Variants in CCDC91 observed in about 807,000 individuals in gnomAD.
CCDC91 encodes the protein coiled-coil domain containing 91, also known as coiled-coil domain-containing protein 91.
A neutral mutation model predicts 63.2 loss-of-function variants in CCDC91; 48 were observed. The ratio of observed to expected loss-of-function variants is 0.76; its 90% CI spans 0.60 to 0.97. The LOEUF (loss-of-function observed/expected upper bound fraction) is 0.97, where lower values mean the gene tolerates loss of function less well. CCDC91 is among the 50% of genes least tolerant of loss of function. The pLI, the probability that CCDC91 is intolerant of heterozygous loss-of-function variation, is 0.00. For synonymous variants in CCDC91, 167 were observed against 165.8 expected (o/e 1.01, Z -0.06); for missense variants, 500 against 494.6 (o/e 1.01, Z -0.10).
intron 12 of CCDC91, among the ~76,000 whole-genome samples, chr12:28,534,340 A>G (rs1162997157): frequency 9.2e-5 from 14 of 152,220 alleles, no homozygotes; most frequent in Admixed American, 7.2e-4. Context: ...TAATTTATAC[A>G]ACTTTTTTAT....
At chr12:28,547,244 T>C (rs531141293) in intron 12 of CCDC91, among the ~76,000 whole-genome samples, 15 of 152,180 alleles carry the variant, frequency 9.9e-5, no homozygotes, top group African/African-American at 3.6e-4. Flanking sequence ...AAGTGCAAAA[T>C]AGTTTTAGAA....
At chr12:28,476,654 C>T (rs891883024) in intron 11 of CCDC91, among the ~76,000 whole-genome samples, 2 of 152,010 alleles carry the variant, frequency 1.3e-5, no homozygotes, top group African/African-American at 4.8e-5. Context: ...ACACAAAAAA[C>T]CCTTCAAAAA....
chr12:28,447,355 C>T (rs1019705996), intron 8 of CCDC91, among the ~76,000 whole-genome samples: 1 of 151,802 alleles, frequency 6.6e-6, no homozygotes, highest in Non-Finnish European at 1.5e-5. Context: ...AAACAGCTCT[C>T]CAGAAGGATG....
chr12:28,408,779 A>G (rs1009446132), intron 8 of CCDC91, among the ~76,000 whole-genome samples: 1 of 151,992 alleles, frequency 6.6e-6, no homozygotes, highest in African/African-American at 2.4e-5. Flanking sequence ...AGTATCTGGG[A>G]TTACAGGTGT....
chr12:28,521,418 A>T (rs544047506), intron 12 of CCDC91, among the ~76,000 whole-genome samples: 3 of 152,224 alleles, frequency 2.0e-5, no homozygotes, highest in Admixed American at 2.0e-4. Flanking sequence ...TTGCACATTG[A>T]TTCTGTATCC....
At chr12:28,212,979 AT>A (rs1943329449) in intron 1 of CCDC91, among the ~76,000 whole-genome samples, 1 of 152,252 alleles carries the variant, frequency 6.6e-6, no homozygotes, top group Non-Finnish European at 1.5e-5. Context: ...CAAATAAGTT[AT>A]AGTGAGTTTA....
In CCDC91 at chr12:28,331,032, C is replaced by A. The variant is rs535338161; in HGVS notation, c.576+23283C>A. On this transcript the variant is annotated intron_variant, in intron 6 of 12. Coordinates refer to ENST00000536442, the MANE Select transcript of CCDC91 (RefSeq NM_018318.5). ...TTTCAGCAAAGAAAGGTTATGCTTC[C>A]AGATTAGAATTTATTTTTTGTGTTT... 5.9e-5 allele frequency among the ~76,000 whole-genome samples: 9 copies of A among 152,258 alleles called. No individual in the cohort carries two copies. The East Asian group carries it at 1.7e-3, about 29-fold the overall frequency.
intron 1 of CCDC91, among the ~76,000 whole-genome samples, chr12:28,191,845 G>T (rs1941279711): frequency 6.6e-6 from 1 of 152,168 alleles, no homozygotes; most frequent in African/African-American, 2.4e-5. Context: ...CATGGTGTTG[G>T]CTAACCAGTA....
chr12:28,307,848 T>A (rs1938907978), intron 6 of CCDC91, 99 bp downstream of exon 6: 1 of 687,820 alleles, frequency 1.5e-6, no homozygotes, highest in African/African-American at 1.9e-5. Flanking sequence ...GAATGAAGAA[T>A]CAGATACTTG....
At chr12:28,235,577 T>C in intron 1 of CCDC91, among the ~76,000 whole-genome samples, 1 of 131,634 alleles carries the variant, frequency 7.6e-6, no homozygotes, top group Middle Eastern at 3.4e-3. Flanking sequence ...TAGGTTTCAG[T>C]TAATGCCGCA....
At chr12:28,546,807 AC>A (rs1003845890) in intron 12 of CCDC91, among the ~76,000 whole-genome samples, 13 of 152,050 alleles carry the variant, frequency 8.5e-5, no homozygotes, top group African/African-American at 2.9e-4. Context: ...AACTTAGTAT[AC>A]TCTCTGGGAA....
intron 3 of CCDC91, among the ~76,000 whole-genome samples, chr12:28,277,921 A>T (rs1457472435): frequency 6.6e-6 from 1 of 151,936 alleles, no homozygotes; most frequent in Non-Finnish European, 1.5e-5. Flanking sequence ...TATCCTTGTC[A>T]TACTAGTGGC....
chr12:28,370,646 A>C (rs1403328569), intron 7 of CCDC91, among the ~76,000 whole-genome samples: 8 of 152,126 alleles, frequency 5.3e-5, no homozygotes, highest in Admixed American at 4.6e-4. Context: ...TCCCAGTACC[A>C]ATTTTTTGTA....
intron 7 of CCDC91, among the ~76,000 whole-genome samples, chr12:28,383,853 A>G (rs1224075404): frequency 6.6e-6 from 1 of 152,120 alleles, no homozygotes; most frequent in Non-Finnish European, 1.5e-5. Context: ...TGTACCTCAG[A>G]GATTATTGGT....
At chr12:28,265,605 T>A (rs977931395) in intron 3 of CCDC91, among the ~76,000 whole-genome samples, 3 of 147,734 alleles carry the variant, frequency 2.0e-5, no homozygotes, top group African/African-American at 7.4e-5. Context: ...ATTTTATTAA[T>A]ATCCCATTAC....
intron 3 of CCDC91, chr12:28,304,733 A>G (rs1178003688): frequency 2.0e-6 from 2 of 991,364 alleles, no homozygotes; most frequent in South Asian, 2.8e-5. Flanking sequence ...TTAGAAAGTT[A>G]AAATGTATAA....
intron 8 of CCDC91, 43 bp from the exon 9 acceptor site, chr12:28,450,118 C>T (rs2140327084): frequency 9.2e-7 from 1 of 1,088,890 alleles, no homozygotes; most frequent in East Asian, 2.4e-5. Flanking sequence ...TGACAGATAC[C>T]TGTCTCAGAG....
chr12:28,284,427 C>T lies in CCDC91; in HGVS notation c.110-21222C>T, dbSNP rs191542905. Among the ~76,000 whole-genome samples the T allele has an allele frequency of 5.1e-4, 77 of 151,802 alleles. No individual in the cohort carries two copies. In the East Asian group the frequency reaches 0.013, roughly 25 times the overall value. On this transcript the variant is annotated intron_variant, in intron 3 of 12. Transcript: ENST00000536442. Reference sequence around the variant, plus strand: ...CGGCACTTTGGGAGGCTGAGGTGGGCGGATCATCTGAGGTCAGGAGTTCAA... The same window carrying T: ...CGGCACTTTGGGAGGCTGAGGTGGGTGGATCATCTGAGGTCAGGAGTTCAA...
rs141150696 is a variant in CCDC91 at position 28,307,338 on chromosome 12, T to G, written c.472-307T>G. Among the ~76,000 whole-genome samples the G allele has an allele frequency of 3.9e-4, 59 of 152,094 alleles. 4 individuals are homozygous for G. The East Asian group carries it at 9.9e-3, about 25-fold the overall frequency. ...TATACAGCCATTTTAGTAAATTCTT[T>G]ACTTATGCTTTCTTCCCTGTGAATA... On this transcript the variant is annotated intron_variant, in intron 5 of 12. Transcript: ENST00000536442.
Sources: allele counts gnomAD v4.1 joint callset (sites outside exome capture counted in the v4.1 genomes callset), GRCh38; gene constraint gnomAD v4.1.1; transcripts MANE v1.5; gene names NCBI Gene and HGNC (gene_info 2026-07-23, HGNC 2026-07-21).